Variants in RIPOR2 observed in about 807,000 individuals in gnomAD.
RIPOR2 encodes RHO family interacting cell polarization regulator 2.
RIPOR2 carries 39 observed loss-of-function variants against 114.5 expected under a neutral mutation model. The ratio of observed to expected loss-of-function variants is 0.34; its 90% CI spans 0.26 to 0.44. RIPOR2 has a LOEUF of 0.44. Among genes scored for constraint, RIPOR2 ranks in the 20% least tolerant of loss-of-function variants. The probability of loss-of-function intolerance (pLI) is 1.00; values close to 1 mark genes in which losing one functional copy is unlikely to be tolerated. For missense variants in RIPOR2, 1,007 were observed against 1,255.1 expected (o/e 0.80, Z 2.99); for synonymous variants, 445 against 484.4 (o/e 0.92, Z 1.07).
chr6:24,891,076 C>T (rs767863843), intron 1 of RIPOR2, among the ~76,000 whole-genome samples: 37 of 152,130 alleles, frequency 2.4e-4, no homozygotes, highest in African/African-American at 6.8e-4. Context: ...CTATAACAAA[C>T]TGACTCCCTG....
At chr6:24,874,409 C>T (rs1304221542) in intron 2 of RIPOR2, among the ~76,000 whole-genome samples, 1 of 152,204 alleles carries the variant, frequency 6.6e-6, no homozygotes, top group East Asian at 1.9e-4. Context: ...CTGTGCCTGA[C>T]CAAGAAATGT....
chr6:24,847,560 C>T, intron 12 of RIPOR2: 1 of 1,551,616 alleles, frequency 6.4e-7, no homozygotes, highest in Non-Finnish European at 8.7e-7. Context: ...CTAGCACGGC[C>T]TTGGGACTCG....
chr6:25,027,462 A>G (rs1776686020), intron 1 of RIPOR2, among the ~76,000 whole-genome samples: 1 of 152,218 alleles, frequency 6.6e-6, no homozygotes, highest in Admixed American at 6.5e-5. Context: ...CATGCTGTGC[A>G]GCGGTTTCTG....
intron 1 of RIPOR2, among the ~76,000 whole-genome samples, chr6:24,962,855 T>A (rs549410537): frequency 2.1e-3 from 319 of 152,280 alleles, no homozygotes; most frequent in African/African-American, 6.0e-3. Flanking sequence ...GCTTGAGGTC[T>A]CCACTTGGGA....
At chr6:24,911,290 A>T (rs1769564681) in intron 1 of RIPOR2, 1 of 151,940 alleles carries the variant, frequency 6.6e-6, no homozygotes, top group African/African-American at 2.4e-5. Flanking sequence ...CCTTTGCAAG[A>T]GCTGGCGCGG....
upstream of RIPOR2, among the ~76,000 whole-genome samples, chr6:24,940,167 ATAAT>A (rs921000220): frequency 3.4e-4 from 52 of 152,300 alleles, no homozygotes; most frequent in African/African-American, 9.4e-4. Context: ...TGAGGCTATA[ATAAT>A]TAATAATTTA....
chr6:25,022,532 A>ATTTTTT (rs10564019), intron 1 of RIPOR2, among the ~76,000 whole-genome samples: 17 of 40,990 alleles, frequency 4.1e-4, no homozygotes, highest in African/African-American at 1.0e-3. Context: ...GGTACCTTCC[A>ATTTTTT]TTTTTTTTTT....
At chr6:24,902,730 C>G (rs367865081) in intron 1 of RIPOR2, among the ~76,000 whole-genome samples, 1 of 152,160 alleles carries the variant, frequency 6.6e-6, no homozygotes, top group South Asian at 2.1e-4. Context: ...AATCCTCCCC[C>G]GGCAAACAAA....
In RIPOR2 at chr6:24,805,703, T is replaced by A. The variant is rs928233680; in HGVS notation, c.*670A>T. On this transcript the variant is annotated 3_prime_UTR_variant, in exon 22 of 22. Coordinates refer to ENST00000643898, the MANE Select transcript of RIPOR2 (RefSeq NM_001286445.3). The stretch of plus-strand genomic sequence containing the variant: ...AAAACTGCAAGGCATATGATGTTTG[T>A]CGAAGTATCACATGACTATTTCAAG... 6.6e-6 allele frequency: 1 copy of A among 152,134 alleles called. No homozygotes were observed. The highest frequency in any genetic ancestry group is 2.4e-5 in the African/African-American group (1 of 41,430). The allele number at this position is 152,134 out of a possible 1,614,324, so 9.4% of individuals were successfully genotyped here.
intron 1 of RIPOR2, chr6:24,911,156 G>C (rs1256556157): frequency 6.4e-6 from 1 of 156,736 alleles, no homozygotes; most frequent in South Asian, 1.8e-4. Context: ...CGCGGGGGCC[G>C]GCGGCGTCAC....
chr6:24,828,370 AT>A (rs1760373968), intron 17 of RIPOR2, 75 bp from the exon 18 acceptor site: 2 of 1,222,098 alleles, frequency 1.6e-6, no homozygotes, highest in African/African-American at 1.6e-5. Flanking sequence ...AATAATTTTT[AT>A]TTTTATTTTT....
chr6:24,852,527 T>C, intron 9 of RIPOR2, 48 bp downstream of exon 9: 1 of 1,403,562 alleles, frequency 7.1e-7, no homozygotes, highest in Non-Finnish European at 1.0e-6. Context: ...AACTGGCCCC[T>C]ACCCTTCAGG....
At chr6:24,972,179 T>C (rs1181642158) in intron 1 of RIPOR2, among the ~76,000 whole-genome samples, 1 of 152,186 alleles carries the variant, frequency 6.6e-6, no homozygotes, top group Non-Finnish European at 1.5e-5. Context: ...AAATTTATAT[T>C]TGAATCTTAC....
At position 24,949,841 on chromosome 6, in the gene RIPOR2, A is replaced by G. The variant is rs369173587; in HGVS notation, c.77-74024T>C. Among the ~76,000 whole-genome samples, 5 of 152,222 alleles carry G rather than the reference A, an allele frequency of 3.3e-5. No individual in the cohort carries two copies. In the South Asian group the frequency reaches 1.0e-3, roughly 31 times the overall value. ...CTATAGCCCACCACCTGGAAGGGGCAGCCCCTGGAGAAATGTTAGAATTCT... is the reference window on the plus strand; with the variant it reads ...CTATAGCCCACCACCTGGAAGGGGCGGCCCCTGGAGAAATGTTAGAATTCT... On this transcript the variant is annotated intron_variant, in intron 1 of 13. Coordinates refer to the RIPOR2 transcript ENST00000510784.
chr6:24,985,069 C>T (rs770108030), intron 1 of RIPOR2, among the ~76,000 whole-genome samples: 4 of 152,200 alleles, frequency 2.6e-5, no homozygotes, highest in African/African-American at 7.2e-5. Flanking sequence ...GTGCCCTATG[C>T]GCAACTTTTG....
At chr6:24,884,109 T>G (rs1766588318) in intron 1 of RIPOR2, among the ~76,000 whole-genome samples, 1 of 152,152 alleles carries the variant, frequency 6.6e-6, no homozygotes, top group African/African-American at 2.4e-5. Flanking sequence ...TATGGCTGCT[T>G]TAAAGTAAAT....
At chr6:24,850,830 C>T in intron 9 of RIPOR2, 108 bp from the exon 10 acceptor site, 2 of 1,175,328 alleles carry the variant, frequency 1.7e-6, no homozygotes, top group South Asian at 1.3e-5. Context: ...CCCTCCGCTT[C>T]TCCCTTACTC....
intron 1 of RIPOR2, among the ~76,000 whole-genome samples, chr6:24,915,496 G>A (rs905001444): frequency 1.9e-4 from 29 of 151,718 alleles, no homozygotes; most frequent in South Asian, 1.9e-3. Context: ...CTGGGATTAC[G>A]TGGGATTACA....
intron 16 of RIPOR2, among the ~76,000 whole-genome samples, chr6:24,830,978 A>G (rs1456249518): frequency 6.6e-6 from 1 of 152,116 alleles, no homozygotes; most frequent in Non-Finnish European, 1.5e-5. Context: ...GGCCTCCCAA[A>G]GTGCTGGGAT....
Sources: allele counts gnomAD v4.1 joint callset (sites outside exome capture counted in the v4.1 genomes callset), GRCh38; gene constraint gnomAD v4.1.1; transcripts MANE v1.5; gene names NCBI Gene and HGNC (gene_info 2026-07-23, HGNC 2026-07-21).